The following ENDOV variants were observed in gnomAD, a reference collection of about 807,000 sequenced individuals.
The protein encoded by ENDOV is endonuclease V.
A neutral mutation model predicts 39.4 loss-of-function variants in ENDOV; 37 were observed. The ratio of observed to expected loss-of-function variants is 0.94; its 90% CI spans 0.72 to 1.23. ENDOV has a LOEUF of 1.23. Ranked by LOEUF, ENDOV falls within the 50% of genes most tolerant of loss-of-function variation. ENDOV has a pLI of 0.00. For synonymous variants in ENDOV, 186 were observed against 163.4 expected (o/e 1.14, Z -1.05); for missense variants, 441 against 375.7 (o/e 1.17, Z -1.44).
At chr17:80,421,410 A>G (rs2082005580) in intron 2 of ENDOV, among the ~76,000 whole-genome samples, 3 of 126,554 alleles carry the variant, frequency 2.4e-5, no homozygotes, top group Non-Finnish European at 3.7e-5. Context: ...AGGGGCTCCT[A>G]CTATACACAT....
intron 7 of ENDOV, 147 bp from the exon 8 acceptor site, chr17:80,428,449 G>A (rs952295388): frequency 3.5e-5 from 26 of 745,764 alleles, no homozygotes; most frequent in African/African-American, 5.3e-5. Flanking sequence ...TGACAGGGCC[G>A]CGGCTCCTGA....
chr17:80,434,317 T>TA (rs2083484506), intron 9 of ENDOV, among the ~76,000 whole-genome samples: 1 of 152,232 alleles, frequency 6.6e-6, no homozygotes, highest in South Asian at 2.1e-4. Flanking sequence ...TATTCCATCA[T>TA]ATGGATCAGT....
chr17:80,415,386 C>T (rs1009908084), intron 1 of ENDOV, 136 bp downstream of exon 1: 12 of 1,178,856 alleles, frequency 1.0e-5, no homozygotes, highest in African/African-American at 3.1e-5. Context: ...GCCCAGTTTC[C>T]GGCGCGGAAG....
Position 80,428,636 on chromosome 17 carries a change from G to T in ENDOV, c.755G>T (p.Gly252Val). Residue 252 changes from glycine to valine, a missense_variant, in exon 8 of 10, where the codon GGA becomes GTA. Gly to Val is a moderately radical substitution (Grantham distance 109). Transcript: ENST00000518137. The stretch of plus-strand genomic sequence containing the variant: ...CGAGAGCACATCCGCAAGTCGCTGG[G>T]ACTCCCCGGGCCACCCACACCGAGG... ...CSREHIRKSL[G>V]LPGPPTPRSP... 6.3e-7 allele frequency: 1 copy of T among 1,584,364 alleles called. No individual in the cohort carries two copies. The highest frequency in any genetic ancestry group is 1.3e-5 in the African/African-American group (1 of 74,488).
chr17:80,423,201 G>T (rs41298728), intron 4 of ENDOV, among the ~76,000 whole-genome samples: 2,046 of 152,314 alleles, frequency 0.013, 50 homozygotes, highest in African/African-American at 0.046. Context: ...GCAGGCCACC[G>T]TCGAGGGAAG....
intron 2 of ENDOV, chr17:80,420,541 T>G (rs886766137): frequency 6.6e-6 from 1 of 152,258 alleles, no homozygotes. Context: ...TGCTTTGGTG[T>G]GTTTAATTAT....
rs2083594436 is a variant in ENDOV at position 80,436,318 on chromosome 17, G to A, written c.*175G>A. 5.7e-6 allele frequency: 9 copies of A among 1,574,692 alleles called. No individual in the cohort carries two copies. The highest frequency in any genetic ancestry group is 6.9e-6 in the Non-Finnish European group (8 of 1,165,846). On this transcript the variant is annotated 3_prime_UTR_variant, in exon 10 of 10. Coordinates refer to ENST00000518137, the MANE Select transcript of ENDOV (RefSeq NM_173627.5). ...GTCCTCGTCTCGTTCCTGATCGAAC[G>A]TGGTGGTGAGAGCACACGTCCTTGT... is the stretch of plus-strand genomic sequence containing the variant.
At position 80,437,238 on chromosome 17, in the gene ENDOV, C is replaced by T. The variant is rs2083621649; in HGVS notation, c.*1095C>T. On this transcript the variant is annotated 3_prime_UTR_variant, in exon 10 of 10. Transcript: ENST00000518137. ...CACCTGCTGAGGACTCACCTAAGCC[C>T]AAGAGTCAGAGAGTCGGAGCTCCAA... 1 of 152,676 alleles carries T rather than the reference C, an allele frequency of 6.5e-6. No homozygotes were observed. 9.5% of individuals were successfully genotyped at this position (152,676 alleles called of 1,614,324 possible).
chr17:80,430,174 A>C, intron 9 of ENDOV: 1 of 1,494,230 alleles, frequency 6.7e-7, no homozygotes, highest in East Asian at 2.5e-5. Context: ...AGCTGTGGTC[A>C]CGGTGCCTCA....
At chr17:80,419,146 C>T (rs1397359157) in intron 2 of ENDOV, among the ~76,000 whole-genome samples, 2 of 145,582 alleles carry the variant, frequency 1.4e-5, no homozygotes, top group Non-Finnish European at 3.0e-5. Context: ...GCACTCCAGC[C>T]TGAGCAACAG....
At chr17:80,435,422 A>G (rs1003738566) in intron 9 of ENDOV, among the ~76,000 whole-genome samples, 1 of 152,200 alleles carries the variant, frequency 6.6e-6, no homozygotes, top group Non-Finnish European at 1.5e-5. Flanking sequence ...AGCAGGTCCC[A>G]TGTCATACCT....
At chr17:80,421,987 G>A in intron 3 of ENDOV, 25 bp downstream of exon 3, 2 of 1,604,616 alleles carry the variant, frequency 1.2e-6, no homozygotes, top group Non-Finnish European at 1.7e-6. Flanking sequence ...CCTAGGACGA[G>A]AGAAAGGTCC....
intron 2 of ENDOV, chr17:80,420,039 C>T (rs1765413119): frequency 8.0e-6 from 2 of 250,170 alleles, no homozygotes; most frequent in South Asian, 1.1e-4. Context: ...ACCTGTATTC[C>T]TTCTACTTAG....
intron 9 of ENDOV, among the ~76,000 whole-genome samples, chr17:80,434,025 C>G (rs2083469311): frequency 6.6e-6 from 1 of 152,084 alleles, no homozygotes; most frequent in South Asian, 2.1e-4. Flanking sequence ...GTTTTTTACC[C>G]CAAAGGGAAA....
chr17:80,423,418 C>G, intron 4 of ENDOV, 102 bp from the exon 5 acceptor site: 1 of 1,148,050 alleles, frequency 8.7e-7, no homozygotes, highest in Non-Finnish European at 1.2e-6. Flanking sequence ...CCACAGACCT[C>G]TGCTCACTTA....
intron 9 of ENDOV, among the ~76,000 whole-genome samples, chr17:80,431,275 G>A (rs41301892): frequency 0.035 from 5,315 of 152,292 alleles, 164 homozygotes; most frequent in East Asian, 0.19. Context: ...ACTCAGGGCC[G>A]GGGAGTGCTG....
chr17:80,417,718 C>T (rs2081392908), intron 2 of ENDOV: 1 of 152,244 alleles, frequency 6.6e-6, no homozygotes, highest in Non-Finnish European at 1.5e-5. Flanking sequence ...TCTGCTTCCT[C>T]TTGTCTTGCT....
In ENDOV at chr17:80,436,433, C is replaced by CTGGA; in HGVS notation, c.*292_*293insGATG. The CTGGA allele has an allele frequency of 1.6e-6, 2 of 1,250,650 alleles. No homozygotes were observed. Among genetic ancestry groups the CTGGA allele is most frequent in the Non-Finnish European group, 2.1e-6 (2 of 948,802 alleles). 77.5% of individuals were successfully genotyped at this position (1,250,650 alleles called of 1,614,324 possible). ...ATTTTCAAGGATGCTCTTCATCCAG[C>CTGGA]TGAAGACGGTCCCTTCTAGTCCTAA... On this transcript the variant is annotated 3_prime_UTR_variant, in exon 10 of 10. Transcript: ENST00000518137.
rs762904750 is a variant in ENDOV, at chr17:80,428,624, G to T, written c.743G>T (p.Arg248Leu). 3.2e-6 allele frequency: 5 copies of T among 1,585,720 alleles called. No homozygotes were observed. The highest frequency in any genetic ancestry group is 3.5e-5 in the Admixed American group (2 of 56,610). ...QADICSREHI[R>L]KSLGLPGPPT... ...GACATCTGCTCCCGAGAGCACATCC[G>T]CAAGTCGCTGGGACTCCCCGGGCCA... The change falls in exon 8 of 10, where the codon CGC (arginine) becomes CTC (leucine). Residue 248 changes from arginine to leucine, a missense_variant. Physicochemically the swap from Arg to Leu is moderately radical, Grantham distance 102. Coordinates refer to ENST00000518137, the MANE Select transcript of ENDOV (RefSeq NM_173627.5).
Sources: allele counts gnomAD v4.1 joint callset (sites outside exome capture counted in the v4.1 genomes callset), GRCh38; gene constraint gnomAD v4.1.1; transcripts MANE v1.5; gene names NCBI Gene and HGNC (gene_info 2026-07-23, HGNC 2026-07-21).